Variants in BZW1 observed in about 807,000 individuals in gnomAD.
BZW1 encodes basic leucine zipper and W2 domains 1.
Under a neutral mutation model 54.1 loss-of-function variants are expected in BZW1, and 3 were observed. That is an observed-to-expected ratio of 0.06 (90% confidence interval 0.03 to 0.14). BZW1 has a LOEUF of 0.14. Ranked by LOEUF, BZW1 falls within the 10% of genes least tolerant of loss-of-function variation. BZW1 has a pLI of 1.00. For synonymous variants in BZW1, 152 were observed against 162.7 expected (o/e 0.93, Z 0.50); for missense variants, 206 against 491.7 (o/e 0.42, Z 5.50).
rs1216577283 is a variant in BZW1 at position 200,817,355 on chromosome 2, A to T, written c.538+114A>T. On this transcript the variant is annotated intron_variant, in intron 6 of 11. Transcript: ENST00000409600. ...AAGTCTTCGTTTATTAACCAGCCTT[A>T]AATTTAATAAGTTCAGTCTAATTCA... 4 of 1,308,590 alleles carry T rather than the reference A, an allele frequency of 3.1e-6. No homozygotes were observed. In the African/African-American group the frequency reaches 5.9e-5, roughly 19 times the overall value. 81.1% of individuals were successfully genotyped at this position (1,308,590 alleles called of 1,614,324 possible).
chr2:200,812,597 G>C, intron 1 of BZW1: 1 of 1,388,594 alleles, frequency 7.2e-7, no homozygotes, highest in East Asian at 2.5e-5. Flanking sequence ...GGCATGGGAA[G>C]GGTGTGGATT....
chr2:200,821,625 C>T (rs2038517926), intron 11 of BZW1, among the ~76,000 whole-genome samples: 1 of 151,766 alleles, frequency 6.6e-6, no homozygotes, highest in African/African-American at 2.4e-5. Context: ...TCTTGAACTC[C>T]TGGGCTCAAA....
At chr2:200,812,200 G>T (rs1458897161) in intron 1 of BZW1, 6 of 1,221,838 alleles carry the variant, frequency 4.9e-6, no homozygotes, top group Non-Finnish European at 4.1e-6. Flanking sequence ...GGGGAGGTGG[G>T]GTCCGGGTGT....
At position 200,824,649 on chromosome 2, in the gene BZW1, A is replaced by G. The variant is rs920187436; in HGVS notation, c.*2471A>G. The G allele has an allele frequency of 4.0e-5, 6 of 148,156 alleles. No individual in the cohort carries two copies. The highest frequency in any genetic ancestry group is 1.5e-4 in the African/African-American group (6 of 40,118). 9.2% of individuals were successfully genotyped at this position (148,156 alleles called of 1,614,324 possible). A position where few individuals can be genotyped will look rare whatever the true frequency, so the allele number is the denominator to read the frequency against. ...AGTTTTTCAAAAGCTTTTTTCCATT[A>G]TCATACCCCCAGCCTTTTTAGGCTT... is the stretch of plus-strand genomic sequence containing the variant. On this transcript the variant is annotated 3_prime_UTR_variant, in exon 12 of 12. Transcript: ENST00000409600.
In BZW1 at chr2:200,819,504, A is replaced by G. The variant is rs550230705; in HGVS notation, c.967-478A>G. On this transcript the variant is annotated intron_variant, in intron 9 of 11. Transcript: ENST00000409600. Reference sequence around the variant, plus strand: ...CTCTAAAATACTAATATTGTTTGACATTTACTTGGACTACTTGGTATAGTA... The same window carrying G: ...CTCTAAAATACTAATATTGTTTGACGTTTACTTGGACTACTTGGTATAGTA... Among the ~76,000 whole-genome samples the G allele has an allele frequency of 4.6e-5, 7 of 151,740 alleles. No individual in the cohort carries two copies. The East Asian group carries it at 1.4e-3, about 29-fold the overall frequency.
Position 200,816,408 on chromosome 2 carries a change from C to G in BZW1, c.402+18C>G, listed in dbSNP as rs2038290107. ...TAAAAAAGGTATGAGTAATAATGTA[C>G]TTTGTGGAAAAGAAAAAAATAGGGT... On this transcript the variant is annotated intron_variant, in intron 5 of 11. Coordinates refer to ENST00000409600, the MANE Select transcript of BZW1 (RefSeq NM_001207067.2). 6.6e-7 allele frequency: 1 copy of G among 1,511,796 alleles called. No individual in the cohort carries two copies. The highest frequency in any genetic ancestry group is 9.0e-7 in the Non-Finnish European group (1 of 1,107,420). The allele number at this position is 1,511,796 out of a possible 1,614,324, so 93.6% of individuals were successfully genotyped here.
rs2038648822 is a variant in BZW1, at chr2:200,824,792, C to T, written c.*2614C>T. ...GTTCACGCCATTCTCCTGCCTCAGC[C>T]TCCCGAGTAGCTGGGACTACAGGCG... is the stretch of plus-strand genomic sequence containing the variant. On this transcript the variant is annotated 3_prime_UTR_variant, in exon 12 of 12. Transcript: ENST00000409600. 6.6e-6 allele frequency: 1 copy of T among 151,844 alleles called. No homozygotes were observed. The highest frequency in any genetic ancestry group is 2.4e-5 in the African/African-American group (1 of 41,338). 9.4% of individuals were successfully genotyped at this position (151,844 alleles called of 1,614,324 possible).
Position 200,825,300 on chromosome 2 carries a change from T to C in BZW1, c.*3122T>C, listed in dbSNP as rs1026736048. 1 of 151,366 alleles carries C rather than the reference T, an allele frequency of 6.6e-6. No homozygotes were observed. Among genetic ancestry groups the C allele is most frequent in the Non-Finnish European group, 1.5e-5 (1 of 67,880 alleles). 9.4% of individuals were successfully genotyped at this position (151,366 alleles called of 1,614,324 possible). A position where few individuals can be genotyped will look rare whatever the true frequency, so the allele number is the denominator to read the frequency against. On this transcript the variant is annotated 3_prime_UTR_variant, in exon 12 of 12. Transcript: ENST00000409600. Reference sequence around the variant, plus strand: ...GTCTCAAACTCCTGACCTCGTGGTCTGCCTGCCTTGGCCTCCCAAAGTGCT... The same window carrying C: ...GTCTCAAACTCCTGACCTCGTGGTCCGCCTGCCTTGGCCTCCCAAAGTGCT...
rs554256267 is a variant in BZW1, at chr2:200,811,968, C to T, written c.-33C>T. On this transcript the variant is annotated 5_prime_UTR_variant, in exon 1 of 12. Coordinates refer to ENST00000409600, the MANE Select transcript of BZW1 (RefSeq NM_001207067.2). ...GCCGGTACATCGGGGATTTCTGGCT[C>T]TTTCCTCTTCGCCTTAAATTCGGTG... is the stretch of plus-strand genomic sequence containing the variant. 8.9e-6 allele frequency: 3 copies of T among 337,376 alleles called. No individual in the cohort carries two copies. The highest frequency in any genetic ancestry group is 2.1e-5 in the African/African-American group (1 of 47,122). The allele number at this position is 337,376 out of a possible 1,614,324, so 20.9% of individuals were successfully genotyped here.
At chr2:200,815,557 G>A in intron 3 of BZW1, 40 bp downstream of exon 3, 2 of 1,610,190 alleles carry the variant, frequency 1.2e-6, no homozygotes, top group East Asian at 4.5e-5. Flanking sequence ...ATTTAGAAAG[G>A]TATAATATAT....
intron 8 of BZW1, 57 bp downstream of exon 8, chr2:200,818,450 A>G: frequency 6.4e-7 from 1 of 1,554,966 alleles, no homozygotes; most frequent in Non-Finnish European, 8.7e-7. Flanking sequence ...AGAGATTTTC[A>G]CTAATTTGAG....
At chr2:200,811,896 C>G (rs949138055), upstream of BZW1, 6 of 207,800 alleles carry the variant, frequency 2.9e-5, no homozygotes, top group Non-Finnish European at 4.8e-5. Context: ...GCACCTCTCC[C>G]TCCTCCTGGC....
At chr2:200,819,060 A>G (rs1262275882) in intron 9 of BZW1, 159 bp downstream of exon 9, 3 of 864,030 alleles carry the variant, frequency 3.5e-6, no homozygotes, top group Non-Finnish European at 5.1e-6. Flanking sequence ...ATTGATGATA[A>G]TGCTCTGAAT....
intron 2 of BZW1, 25 bp downstream of exon 2, chr2:200,813,306 C>T (rs779616911): frequency 6.4e-7 from 1 of 1,572,578 alleles, no homozygotes; most frequent in Non-Finnish European, 8.7e-7. Context: ...TTTAATGTCT[C>T]TCTTCAAACC....
At position 200,818,411 on chromosome 2, in the gene BZW1, C is replaced by A. The variant is rs768642271; in HGVS notation, c.819+18C>A. 6 of 1,594,508 alleles carry A rather than the reference C, an allele frequency of 3.8e-6. No homozygotes were observed. Among genetic ancestry groups the A allele is most frequent in the Non-Finnish European group, 5.1e-6 (6 of 1,175,564 alleles). ...TTAAGGATGTAAGTTTTTGTTTAAA[C>A]CGTCTTTTTATGGCTAAGCTTCTGG... On this transcript the variant is annotated intron_variant, in intron 8 of 11. Transcript: ENST00000409600.
intron 2 of BZW1, among the ~76,000 whole-genome samples, chr2:200,814,644 G>A (rs1242656054): frequency 6.6e-6 from 1 of 152,160 alleles, no homozygotes; most frequent in Non-Finnish European, 1.5e-5. Flanking sequence ...CCATTTTACA[G>A]TAGGGGAATT....
intron 1 of BZW1, chr2:200,812,223 TG>T: frequency 9.8e-6 from 12 of 1,227,030 alleles, no homozygotes; most frequent in Non-Finnish European, 1.2e-5. Context: ...GCCGCGGCGC[TG>T]GCTGCGAAGG....
chr2:200,817,088 T>C lies in BZW1; in HGVS notation c.403-18T>C, dbSNP rs777824027. On this transcript the variant is annotated intron_variant, in intron 5 of 11. Transcript: ENST00000409600. The stretch of plus-strand genomic sequence containing the variant: ...ATGCAGTTGCTGTTTTAACCCTTAA[T>C]TGTTTTACTTTTTACAGCTGCTGCT... 2.2e-5 allele frequency: 36 copies of C among 1,611,962 alleles called. No homozygotes were observed. The highest frequency in any genetic ancestry group is 2.2e-5 in the Non-Finnish European group (26 of 1,179,182).
chr2:200,812,702 G>A (rs1306692061), intron 1 of BZW1: 11 of 894,094 alleles, frequency 1.2e-5, no homozygotes, highest in Non-Finnish European at 2.0e-5. Flanking sequence ...GTGGTGCAAG[G>A]CGGCCGCTGT....
Sources: gnomAD v4.1 joint callset for allele counts (sites outside exome capture counted in the v4.1 genomes callset) on GRCh38, gnomAD v4.1.1 for gene constraint, MANE v1.5 for transcripts, NCBI Gene and HGNC (gene_info 2026-07-23, HGNC 2026-07-21) for gene names.